The following SLC5A1 variants were observed in gnomAD, a reference collection of about 807,000 sequenced individuals.
SLC5A1 encodes sodium/glucose cotransporter 1.
A neutral mutation model predicts 73.5 loss-of-function variants in SLC5A1; 42 were observed. The observed-to-expected ratio is 0.57, with a 90% confidence interval of 0.45 to 0.74. The LOEUF (loss-of-function observed/expected upper bound fraction) is 0.74. SLC5A1 is among the 30% of genes least tolerant of loss of function. The pLI, the probability that SLC5A1 is intolerant of heterozygous loss-of-function variation, is 0.00. For synonymous variants in SLC5A1, 300 were observed against 317.4 expected (o/e 0.95, Z 0.58); for missense variants, 634 against 855.4 (o/e 0.74, Z 3.23).
chr22:32,076,301 C>G (rs986619744), intron 5 of SLC5A1, among the ~76,000 whole-genome samples: 5 of 152,228 alleles, frequency 3.3e-5, no homozygotes, highest in African/African-American at 2.4e-5. Context: ...ACTGATTGTC[C>G]TTCCATGAGC....
chr22:32,087,603 G>T (rs997847332), intron 10 of SLC5A1, among the ~76,000 whole-genome samples: 1 of 152,160 alleles, frequency 6.6e-6, no homozygotes, highest in African/African-American at 2.4e-5. Flanking sequence ...AGGAGACTGA[G>T]TACTTAGCTG....
At chr22:32,096,742 TGG>T (rs1234283341) in intron 11 of SLC5A1, among the ~76,000 whole-genome samples, 2 of 152,158 alleles carry the variant, frequency 1.3e-5, no homozygotes, top group Non-Finnish European at 2.9e-5. Flanking sequence ...TGTTTTTCTA[TGG>T]GGCTAATGCA....
chr22:32,090,344 T>C (rs1188097902), intron 10 of SLC5A1, among the ~76,000 whole-genome samples: 2 of 152,190 alleles, frequency 1.3e-5, no homozygotes, highest in East Asian at 1.9e-4. Context: ...ACTAACATAC[T>C]TTCTGTATTC....
At position 32,043,304 on chromosome 22, in the gene SLC5A1, C is replaced by T. The variant is rs558100220; in HGVS notation, c.23C>T (p.Pro8Leu). Residue 8 changes from proline to leucine, a missense_variant, in exon 1 of 15, where the codon CCC (proline) becomes CTC (leucine). This residue lies in a region of SLC5A1 where 51 missense variants were observed against 50.5 expected (regional missense o/e 1.01). Transcript: ENST00000266088. This position sits in a 1 kb window ranked among gnomAD's most constrained non-coding sequence, Gnocchi z 6.5. ...ACCATGGACAGTAGCACCTGGAGCCCCAAGACCACCGCGGTCACCCGGCCT... is the reference window on the plus strand; with the variant it reads ...ACCATGGACAGTAGCACCTGGAGCCTCAAGACCACCGCGGTCACCCGGCCT... MDSSTWS[P>L]KTTAVTRPVE... The T allele has an allele frequency of 1.2e-6, 2 of 1,614,144 alleles. No individual in the cohort carries two copies. Among genetic ancestry groups the T allele is most frequent in the East Asian group, 2.2e-5 (1 of 44,884 alleles).
intron 2 of SLC5A1, among the ~76,000 whole-genome samples, chr22:32,056,490 T>C (rs2149484742): frequency 7.3e-6 from 1 of 137,866 alleles, no homozygotes; most frequent in South Asian, 2.5e-4. Context: ...ATTCGGGACA[T>C]ACTTATGCTA....
chr22:32,059,310 C>T (rs2093956661), intron 2 of SLC5A1: 1 of 985,486 alleles, frequency 1.0e-6, no homozygotes, highest in South Asian at 4.7e-5. Context: ...GGGGATGTGA[C>T]ACGCACCAGG....
intron 10 of SLC5A1, among the ~76,000 whole-genome samples, chr22:32,091,337 A>C (rs2149494099): frequency 7.5e-6 from 1 of 132,946 alleles, no homozygotes; most frequent in South Asian, 2.3e-4. Flanking sequence ...ACACACACAC[A>C]CACACCCCAC....
intron 2 of SLC5A1, among the ~76,000 whole-genome samples, chr22:32,054,697 G>GGGT (rs2093949303): frequency 6.6e-6 from 1 of 152,212 alleles, no homozygotes; most frequent in African/African-American, 2.4e-5. Context: ...ATTTGAGACA[G>GGGT]GGTCTCACTC....
rs757430181 is a variant in SLC5A1, at chr22:32,110,241, T to C, written c.*28T>C. ...CCTACCTTTTGCTGTAGATTTACCA[T>C]GGCTGGACTCTTACTCACCTTCCTT... On this transcript the variant is annotated 3_prime_UTR_variant, in exon 15 of 15. Transcript: ENST00000266088. 9 of 1,505,908 alleles carry C rather than the reference T, an allele frequency of 6.0e-6. No individual in the cohort carries two copies. The East Asian group carries it at 1.1e-4, about 19-fold the overall frequency. 93.3% of individuals were successfully genotyped at this position (1,505,908 alleles called of 1,614,324 possible).
At position 32,070,598 on chromosome 22, in the gene SLC5A1, T is replaced by C. The variant is rs149655722; in HGVS notation, c.477+1998T>C. ...ATTCTTCTGCCTCAGCCACCTAAAG[T>C]GTTGGGATTATAGGCATGAGCCACT... On this transcript the variant is annotated intron_variant, in intron 5 of 14. Coordinates refer to ENST00000266088, the MANE Select transcript of SLC5A1 (RefSeq NM_000343.4). Among the ~76,000 whole-genome samples, 922 of 152,114 alleles carry C rather than the reference T, an allele frequency of 6.1e-3. 5 individuals are homozygous for C. Among genetic ancestry groups the C allele is most frequent in the African/African-American group, 0.02 (820 of 41,508 alleles).
At chr22:32,105,322 T>C (rs1162570997) in intron 14 of SLC5A1, among the ~76,000 whole-genome samples, 2 of 149,238 alleles carry the variant, frequency 1.3e-5, no homozygotes, top group East Asian at 3.9e-4. Context: ...AGACCGAGTT[T>C]CACTCTTGTT....
intron 5 of SLC5A1, among the ~76,000 whole-genome samples, chr22:32,077,037 G>A (rs1038304733): frequency 1.3e-5 from 2 of 152,196 alleles, no homozygotes. Context: ...AACAGAGTGT[G>A]ACAGAGACAG....
intron 2 of SLC5A1, among the ~76,000 whole-genome samples, chr22:32,054,324 A>G (rs2093948810): frequency 6.6e-6 from 1 of 152,206 alleles, no homozygotes; most frequent in South Asian, 2.1e-4. Flanking sequence ...AGGTGCTGAT[A>G]TATCCATGTG....
chr22:32,090,097 T>C (rs1308582634), intron 10 of SLC5A1, among the ~76,000 whole-genome samples: 6 of 114,728 alleles, frequency 5.2e-5, no homozygotes, highest in African/African-American at 1.0e-4. Context: ...CAGCCTTGTC[T>C]TTCAAAAAAA....
chr22:32,086,413 T>C (rs1193926527), intron 10 of SLC5A1, 86 bp downstream of exon 10: 15 of 922,092 alleles, frequency 1.6e-5, no homozygotes, highest in Admixed American at 1.8e-5. Flanking sequence ...GTGAACCTTC[T>C]GGGCAAAGAC....
Position 32,043,526 on chromosome 22 carries a change from G to A in SLC5A1, c.135+110G>A, listed in dbSNP as rs2093933085. On this transcript the variant is annotated intron_variant, in intron 1 of 14. Coordinates refer to ENST00000266088, the MANE Select transcript of SLC5A1 (RefSeq NM_000343.4). The surrounding 1 kb of genome is among the most constrained non-coding windows in gnomAD (Gnocchi z 6.5). Reference sequence around the variant, plus strand: ...GCTTAAGTGTCGGTGGAGGGGAGAGGAAATGACTTGGAAGCACTTTAGAAG... The same window carrying A: ...GCTTAAGTGTCGGTGGAGGGGAGAGAAAATGACTTGGAAGCACTTTAGAAG... 1 of 1,223,138 alleles carries A rather than the reference G, an allele frequency of 8.2e-7. No homozygotes were observed. The highest frequency in any genetic ancestry group is 1.2e-6 in the Non-Finnish European group (1 of 849,310). The allele number at this position is 1,223,138 out of a possible 1,614,324, so 75.8% of individuals were successfully genotyped here.
chr22:32,043,325 G>A lies in SLC5A1; in HGVS notation c.44G>A (p.Arg15Gln), dbSNP rs142249046. The change falls in exon 1 of 15, where the codon CGG becomes CAG. Residue 15 changes from arginine to glutamine, a missense_variant. Transcript: ENST00000266088. The surrounding 1 kb of genome is among the most constrained non-coding windows in gnomAD (Gnocchi z 6.5). ...AGCCCCAAGACCACCGCGGTCACCC[G>A]GCCTGTTGAGACCCACGAGCTCATT... ...TWSPKTTAVTRPVETHELIRN... is the reference protein window; with the variant it reads ...TWSPKTTAVTQPVETHELIRN... 2.5e-5 allele frequency: 40 copies of A among 1,614,064 alleles called. No homozygotes were observed. Among genetic ancestry groups the A allele is most frequent in the Non-Finnish European group, 2.9e-5 (34 of 1,180,040 alleles).
chr22:32,096,397 A>G (rs1010737966), intron 11 of SLC5A1, among the ~76,000 whole-genome samples: 2 of 152,114 alleles, frequency 1.3e-5, no homozygotes, highest in African/African-American at 4.8e-5. Flanking sequence ...CCCTTGTCCA[A>G]GGCTCCTTAT....
Position 32,110,050 on chromosome 22 carries a change from G to C in SLC5A1, c.1832G>C (p.Gly611Ala). Residue 611 changes from glycine to alanine, a missense_variant, in exon 15 of 15, where the codon GGG becomes GCG. Coordinates refer to ENST00000266088, the MANE Select transcript of SLC5A1 (RefSeq NM_000343.4). ...AGGAGAGCCTATGACCTATTTTGTG[G>C]GCTAGAGCAGCACGGTGCACCCAAG... ...IFRRAYDLFCGLEQHGAPKMT... is the reference protein window; with the variant it reads ...IFRRAYDLFCALEQHGAPKMT... 1.2e-6 allele frequency: 2 copies of C among 1,614,064 alleles called. No individual in the cohort carries two copies. The highest frequency in any genetic ancestry group is 2.2e-5 in the South Asian group (2 of 91,080).
Sources: gnomAD v4.1 joint callset for allele counts (sites outside exome capture counted in the v4.1 genomes callset) on GRCh38, gnomAD v4.1.1 for gene constraint, gnomAD v4.1.1 regional missense constraint, Gnocchi (gnomAD v3.1) non-coding constraint, MANE v1.5 for transcripts, NCBI Gene and HGNC (gene_info 2026-07-23, HGNC 2026-07-21) for gene names.